Variants in ZNF654 observed in about 807,000 individuals in gnomAD.
ZNF654 encodes melanoma-associated antigen.
In ZNF654, 19 loss-of-function variants were observed where a neutral mutation model predicts 95.3. The ratio of observed to expected loss-of-function variants is 0.20; its 90% CI spans 0.14 to 0.29. ZNF654 has a LOEUF of 0.29. ZNF654 is among the 10% of genes least tolerant of loss of function. The pLI, the probability that ZNF654 is intolerant of heterozygous loss-of-function variation, is 1.00. For missense variants in ZNF654, 1,046 were observed against 1,341.0 expected (o/e 0.78, Z 3.44); for synonymous variants, 413 against 457.9 (o/e 0.90, Z 1.25).
At chr3:88,064,564 TGTTCTGGG>T (rs1298462833) in intron 1 of ZNF654, among the ~76,000 whole-genome samples, 9 of 152,186 alleles carry the variant, frequency 5.9e-5, no homozygotes, top group Admixed American at 5.9e-4. Flanking sequence ...ATTCCTGAGA[TGTTCTGGG>T]GTTCTGGGGT....
chr3:88,076,517 C>T (rs1445622048), intron 1 of ZNF654, among the ~76,000 whole-genome samples: 2 of 151,918 alleles, frequency 1.3e-5, no homozygotes, highest in African/African-American at 4.8e-5. Flanking sequence ...TCAGTATGCC[C>T]TCCTTTTATT....
intron 1 of ZNF654, among the ~76,000 whole-genome samples, chr3:88,080,266 C>T (rs1708012173): frequency 6.6e-6 from 1 of 151,552 alleles, no homozygotes; most frequent in Non-Finnish European, 1.5e-5. Context: ...TGTAATTAAT[C>T]ATACTTGGAA....
At chr3:88,060,031 G>C (rs550819711) in intron 1 of ZNF654, among the ~76,000 whole-genome samples, 1 of 152,020 alleles carries the variant, frequency 6.6e-6, no homozygotes, top group East Asian at 1.9e-4. Context: ...ATCCCGCTGG[G>C]CCGGTTCTCC....
At chr3:88,108,298 A>G (rs1704869626) in intron 2 of ZNF654, among the ~76,000 whole-genome samples, 1 of 151,792 alleles carries the variant, frequency 6.6e-6, no homozygotes, top group Non-Finnish European at 1.5e-5. Flanking sequence ...TGGTGTAGCT[A>G]TTTGAATTTT....
chr3:88,128,979 A>G lies in ZNF654; in HGVS notation c.721A>G (p.Met241Val). 1 of 1,534,702 alleles carries G rather than the reference A, an allele frequency of 6.5e-7. No individual in the cohort carries two copies. Among genetic ancestry groups the G allele is most frequent in the Non-Finnish European group, 8.7e-7 (1 of 1,146,186 alleles). The part of the protein sequence containing the change: ...FHQALFTCLF[M>V]SPVEDQLFRE... The stretch of plus-strand genomic sequence containing the variant: ...TCAAGCACTCTTCACATGTCTGTTT[A>G]TGTCACCTGTAGAAGATCAGCTATT... Residue 241 changes from methionine to valine, a missense_variant, in exon 5 of 9, where the codon ATG (methionine) becomes GTG (valine). Physicochemically the swap from Met to Val is conservative, Grantham distance 21. Around this residue, in one of 9 missense-constraint regions of ZNF654, gnomAD observed 121 missense variants for 141.7 expected, o/e 0.85. Transcript: ENST00000636215.
In ZNF654 at chr3:88,136,059, A is replaced by T. The variant is rs116400697; in HGVS notation, c.1035+857A>T. On this transcript the variant is annotated intron_variant, in intron 7 of 8. Transcript: ENST00000636215. Reference sequence around the variant, plus strand: ...TTTATGGTATGCTTATTAAATAGTGAAATATCATTCAAATGCATTCTCAAA... The same window carrying T: ...TTTATGGTATGCTTATTAAATAGTGTAATATCATTCAAATGCATTCTCAAA... 4.2e-3 allele frequency among the ~76,000 whole-genome samples: 646 copies of T among 152,246 alleles called. 9 individuals are homozygous for T. The highest frequency in any genetic ancestry group is 4.1e-3 in the Non-Finnish European group (278 of 67,990).
chr3:88,077,331 ATTGT>A (rs1372599048), intron 1 of ZNF654, among the ~76,000 whole-genome samples: 3 of 139,686 alleles, frequency 2.1e-5, no homozygotes, highest in Non-Finnish European at 4.7e-5. Context: ...GCAGACTTAA[ATTGT>A]TTTTTTTTTT....
At chr3:88,086,693 C>A (rs775423146) in intron 2 of ZNF654, among the ~76,000 whole-genome samples, 6 of 152,126 alleles carry the variant, frequency 3.9e-5, no homozygotes, top group Admixed American at 6.5e-5. Context: ...AATGGTAAGT[C>A]CCAGAATACA....
chr3:88,088,775 T>TGGAA (rs1221072857), intron 2 of ZNF654, among the ~76,000 whole-genome samples: 1 of 151,650 alleles, frequency 6.6e-6, no homozygotes, highest in Non-Finnish European at 1.5e-5. Flanking sequence ...GATGGATGGA[T>TGGAA]GGATGGATGG....
intron 1 of ZNF654, among the ~76,000 whole-genome samples, chr3:88,074,171 C>T (rs1707669086): frequency 6.6e-6 from 1 of 151,982 alleles, no homozygotes; most frequent in Non-Finnish European, 1.5e-5. Flanking sequence ...CAAATTCTTC[C>T]CCTTCTAGAG....
In ZNF654 at chr3:88,140,807, A is replaced by G. The variant is rs887908757; in HGVS notation, c.3138A>G (p.Pro1046=). 38 of 1,613,762 alleles carry G rather than the reference A, an allele frequency of 2.4e-5. No homozygotes were observed. The highest frequency in any genetic ancestry group is 3.1e-5 in the Non-Finnish European group (36 of 1,179,736). The change falls in exon 8 of 9, where the codon CCA becomes CCG. Residue 1046 remains proline (P), a synonymous_variant. Coordinates refer to ENST00000636215, the MANE Select transcript of ZNF654 (RefSeq NM_001350134.2). ...CATATGGCTTAATTTTAACAAAACC[A>G]TACGTCAGACCATTGCCTCCCAGTT... ...HTSYGLILTK[P]YVRPLPPSYL...
chr3:88,093,498 G>A (rs1355049403), intron 2 of ZNF654, among the ~76,000 whole-genome samples: 1 of 152,192 alleles, frequency 6.6e-6, no homozygotes, highest in Non-Finnish European at 1.5e-5. Context: ...TCAGCTAGTT[G>A]TATTTGGTGT....
At chr3:88,111,318 T>G (rs1576301032) in intron 2 of ZNF654, among the ~76,000 whole-genome samples, 2 of 152,128 alleles carry the variant, frequency 1.3e-5, no homozygotes, top group South Asian at 2.1e-4. Context: ...TTATTTACCC[T>G]TTGCAGAGTC....
chr3:88,060,859 A>G (rs1169218107), intron 1 of ZNF654, among the ~76,000 whole-genome samples: 1 of 152,038 alleles, frequency 6.6e-6, no homozygotes, highest in Non-Finnish European at 1.5e-5. Context: ...AAGAAAAAGG[A>G]TGGAGTTGAC....
intron 2 of ZNF654, among the ~76,000 whole-genome samples, chr3:88,091,086 G>A (rs1311736379): frequency 1.3e-5 from 2 of 152,148 alleles, no homozygotes; most frequent in Admixed American, 6.5e-5. Flanking sequence ...TTGTAGCCCA[G>A]GTGTGTAGTA....
chr3:88,108,063 A>G (rs1160038814), intron 2 of ZNF654, among the ~76,000 whole-genome samples: 1 of 152,010 alleles, frequency 6.6e-6, no homozygotes, highest in Non-Finnish European at 1.5e-5. Flanking sequence ...GATTGAAAGA[A>G]TTTGCATTTG....
chr3:88,086,939 C>T (rs1426478846), intron 2 of ZNF654, among the ~76,000 whole-genome samples: 1 of 152,122 alleles, frequency 6.6e-6, no homozygotes, highest in East Asian at 1.9e-4. Flanking sequence ...CCCGCCACCA[C>T]GCCTGGCTAA....
At chr3:88,119,403 GA>G (rs1705627363) in intron 3 of ZNF654, among the ~76,000 whole-genome samples, 2 of 79,836 alleles carry the variant, frequency 2.5e-5, no homozygotes, top group African/African-American at 4.7e-5. Flanking sequence ...GGGGAGGGGG[GA>G]GGGGGGAGGG....
At chr3:88,136,222 G>T (rs1706774972) in intron 7 of ZNF654, among the ~76,000 whole-genome samples, 1 of 152,036 alleles carries the variant, frequency 6.6e-6, no homozygotes, top group Non-Finnish European at 1.5e-5. Context: ...AATCTTATTG[G>T]TACCAAAAAT....
Sources: allele counts gnomAD v4.1 joint callset (sites outside exome capture counted in the v4.1 genomes callset), GRCh38; gene constraint gnomAD v4.1.1; regional missense constraint gnomAD v4.1.1; transcripts MANE v1.5; gene names NCBI Gene and HGNC (gene_info 2026-07-23, HGNC 2026-07-21).